The following IQSEC1 variants were observed in gnomAD, a reference collection of about 807,000 sequenced individuals.
IQSEC1 encodes the protein IQ motif and Sec7 domain ArfGEF 1.
IQSEC1 carries 31 observed loss-of-function variants against 91.0 expected under a neutral mutation model. The ratio of observed to expected loss-of-function variants is 0.34; its 90% CI spans 0.26 to 0.46. The LOEUF (loss-of-function observed/expected upper bound fraction) is 0.46, where lower values mean the gene tolerates loss of function less well. IQSEC1 is among the 20% of genes least tolerant of loss of function. The probability of loss-of-function intolerance (pLI) is 1.00; values close to 1 mark genes in which losing one functional copy is unlikely to be tolerated. For synonymous variants in IQSEC1, 699 were observed against 662.6 expected (o/e 1.05, Z -0.84); for missense variants, 1,388 against 1,575.6 (o/e 0.88, Z 2.02).
At chr3:13,134,347 C>T (rs192898467) in intron 2 of IQSEC1, among the ~76,000 whole-genome samples, 26 of 152,354 alleles carry the variant, frequency 1.7e-4, no homozygotes, top group Admixed American at 1.4e-3. Context: ...TGATCCCATA[C>T]AGTGGGAGCC....
chr3:13,137,754 T>A (rs1426763288), intron 2 of IQSEC1, among the ~76,000 whole-genome samples: 2 of 152,176 alleles, frequency 1.3e-5, no homozygotes, highest in African/African-American at 4.8e-5. Flanking sequence ...GCGCAGGAGT[T>A]GAAGCCTGCA....
At position 12,970,776 on chromosome 3, in the gene IQSEC1, C is replaced by T. The variant is rs535286023; in HGVS notation, c.24-28911G>A. Among the ~76,000 whole-genome samples, 20 of 152,320 alleles carry T rather than the reference C, an allele frequency of 1.3e-4. No homozygotes were observed. In the South Asian group the frequency reaches 3.3e-3, roughly 25 times the overall value. On this transcript the variant is annotated intron_variant, in intron 1 of 13. Coordinates refer to ENST00000613206, the MANE Select transcript of IQSEC1 (RefSeq NM_001134382.3). The surrounding 1 kb of genome is among the most constrained non-coding windows in gnomAD (Gnocchi z 4.4). ...CTCCCAGAAAGACACCCATGACCAG[C>T]GCCTAGTCCAAGTCAGAAACTCCTT...
chr3:13,078,511 A>C (rs1034407056), intron 2 of IQSEC1, among the ~76,000 whole-genome samples: 2 of 151,940 alleles, frequency 1.3e-5, no homozygotes, highest in Non-Finnish European at 2.9e-5. Context: ...CTGGGGGGGA[A>C]GGCCAGGAGC....
intron 2 of IQSEC1, among the ~76,000 whole-genome samples, chr3:13,116,026 G>T (rs920879121): frequency 5.3e-5 from 8 of 152,220 alleles, no homozygotes; most frequent in Non-Finnish European, 1.2e-4. Context: ...AGCCAAATCA[G>T]CAGGAAAGAA....
intron 1 of IQSEC1, among the ~76,000 whole-genome samples, chr3:13,206,017 C>T (rs1231227849): frequency 2.0e-5 from 3 of 151,432 alleles, no homozygotes; most frequent in Admixed American, 2.0e-4. Context: ...TTTCCATCCA[C>T]CCATCCATCC....
At chr3:13,283,189 C>G (rs1021413205) in exon 1 of IQSEC1, among the ~76,000 whole-genome samples, 5 of 146,302 alleles carry the variant, frequency 3.4e-5, no homozygotes, top group Admixed American at 3.4e-4. Flanking sequence ...CCCGCTGCCC[C>G]GCGGACGCGC....
intron 1 of IQSEC1, among the ~76,000 whole-genome samples, chr3:13,256,614 C>T (rs1695290187): frequency 6.6e-6 from 1 of 152,158 alleles, no homozygotes; most frequent in Non-Finnish European, 1.5e-5. Context: ...AAGCAGCCTT[C>T]GGGATATCTC....
rs993699770 is a variant in IQSEC1, at chr3:13,267,249, C to A, written c.272+15462G>T. Among the ~76,000 whole-genome samples, 14 of 152,344 alleles carry A rather than the reference C, an allele frequency of 9.2e-5. 1 individual carries two copies. The South Asian group carries it at 2.7e-3, about 29-fold the overall frequency. The stretch of plus-strand genomic sequence containing the variant: ...AGTAGGGCCCTTGAAAGACACTGAA[C>A]CTGCTGGCACCTTGACCTTGGACTT... On this transcript the variant is annotated intron_variant, in intron 1 of 15. Coordinates refer to the IQSEC1 transcript ENST00000648114.
At chr3:13,072,388 G>A (rs576608684) in intron 1 of IQSEC1, among the ~76,000 whole-genome samples, 4 of 152,306 alleles carry the variant, frequency 2.6e-5, no homozygotes, top group South Asian at 2.1e-4. Context: ...ATAAATACCC[G>A]GGCCCGTGAT....
At chr3:12,915,560 T>TGGGGCCCACCACGTACC (rs1696000405) in intron 7 of IQSEC1, 34 bp downstream of exon 7, 1 of 1,605,624 alleles carries the variant, frequency 6.2e-7, no homozygotes, top group East Asian at 2.2e-5. Context: ...CGGGTGGTGC[T>TGGGGCCCACCACGTACC]GGGGCCCACC....
intron 12 of IQSEC1, among the ~76,000 whole-genome samples, chr3:12,906,299 G>T (rs1455935661): frequency 6.6e-6 from 1 of 152,112 alleles, no homozygotes; most frequent in Non-Finnish European, 1.5e-5. Context: ...GAGGGCCGTG[G>T]TGAGTGAGGT....
At chr3:13,009,659 A>G (rs1026661195) in intron 1 of IQSEC1, among the ~76,000 whole-genome samples, 28 of 115,904 alleles carry the variant, frequency 2.4e-4, no homozygotes, top group African/African-American at 8.3e-4. Flanking sequence ...GTATGTTTGT[A>G]TATATATATG....
intron 1 of IQSEC1, among the ~76,000 whole-genome samples, chr3:13,258,284 A>G (rs1309091146): frequency 6.6e-6 from 1 of 152,228 alleles, no homozygotes; most frequent in Non-Finnish European, 1.5e-5. Flanking sequence ...GGAGCATGGG[A>G]ACTCACTGTA....
At chr3:13,152,106 G>C (rs1707010568) in intron 2 of IQSEC1, among the ~76,000 whole-genome samples, 1 of 152,220 alleles carries the variant, frequency 6.6e-6, no homozygotes, top group South Asian at 2.1e-4. Flanking sequence ...GCAAGGATCA[G>C]AACAATTGCA....
At position 12,908,295 on chromosome 3, in the gene IQSEC1, GC is replaced by G. The variant is rs1241291302; in HGVS notation, c.2755+53del. ...TGCATGCCCTGAATGCAGACGCCCT[GC>G]CTCGGTCTTGCATGCGCTGGGCTAG... is the stretch of plus-strand genomic sequence containing the variant. On this transcript the variant is annotated intron_variant, in intron 12 of 13. Transcript: ENST00000613206. The surrounding 1 kb of genome is among the most constrained non-coding windows in gnomAD (Gnocchi z 4.9). The G allele has an allele frequency of 2.1e-5, 33 of 1,580,814 alleles. No individual in the cohort carries two copies. Among genetic ancestry groups the G allele is most frequent in the Non-Finnish European group, 2.8e-5 (33 of 1,158,196 alleles).
At chr3:13,118,065 T>C (rs891099309) in intron 2 of IQSEC1, among the ~76,000 whole-genome samples, 1 of 152,112 alleles carries the variant, frequency 6.6e-6, no homozygotes, top group Admixed American at 6.6e-5. Context: ...TTGCTACAGT[T>C]AATCATAACG....
chr3:13,006,325 G>A (rs1702633421), intron 1 of IQSEC1, among the ~76,000 whole-genome samples: 1 of 152,248 alleles, frequency 6.6e-6, no homozygotes, highest in Non-Finnish European at 1.5e-5. Flanking sequence ...CATGTGGAAG[G>A]TGTGATTGGG....
chr3:13,160,293 G>A lies in IQSEC1; in HGVS notation c.302+3811C>T, dbSNP rs567193135. Among the ~76,000 whole-genome samples the A allele has an allele frequency of 4.6e-5, 7 of 152,208 alleles. No homozygotes were observed. The East Asian group carries it at 1.4e-3, about 29-fold the overall frequency. ...CTTGGGGCAGGGCAAGAGCTGGTGG[G>A]GAGGAGGTGTCTCTCAGGGCTATCC... On this transcript the variant is annotated intron_variant, in intron 2 of 15. Coordinates refer to the IQSEC1 transcript ENST00000648114.
intron 1 of IQSEC1, among the ~76,000 whole-genome samples, chr3:13,273,108 G>A (rs1695616050): frequency 6.6e-6 from 1 of 152,150 alleles, no homozygotes; most frequent in South Asian, 2.1e-4. Flanking sequence ...TTACAGGTGA[G>A]GAAGCTGAAG....
Sources: gnomAD v4.1 joint callset for allele counts (sites outside exome capture counted in the v4.1 genomes callset) on GRCh38, gnomAD v4.1.1 for gene constraint, Gnocchi (gnomAD v3.1) non-coding constraint, MANE v1.5 for transcripts, NCBI Gene and HGNC (gene_info 2026-07-23, HGNC 2026-07-21) for gene names.